Variants in PLXNA4 observed in about 807,000 individuals in gnomAD.
The protein encoded by PLXNA4 is plexin-A4.
Under a neutral mutation model 191.8 loss-of-function variants are expected in PLXNA4, and 44 were observed. That is an observed-to-expected ratio of 0.23 (90% confidence interval 0.18 to 0.29). PLXNA4 has a LOEUF of 0.29. Ranked by LOEUF, PLXNA4 falls within the 10% of genes least tolerant of loss-of-function variation. The probability of loss-of-function intolerance (pLI) is 1.00; values close to 1 mark genes in which losing one functional copy is unlikely to be tolerated. For missense variants in PLXNA4, 1,800 were observed against 2,488.8 expected, an observed-to-expected ratio of 0.72 and a Z score of 5.89; for synonymous variants, 1,082 against 1,009.5, an observed-to-expected ratio of 1.07 and a Z score of -1.36.
intron 3 of PLXNA4, among the ~76,000 whole-genome samples, chr7:132,398,821 G>T (rs1793864444): frequency 1.3e-5 from 2 of 152,200 alleles, no homozygotes; most frequent in Admixed American, 6.5e-5. Flanking sequence ...CTGATGAGCA[G>T]GTGTCATTGT....
At chr7:132,140,405 A>G (rs1174975255) in intron 30 of PLXNA4, among the ~76,000 whole-genome samples, 194 bp downstream of exon 30, 1 of 152,152 alleles carries the variant, frequency 6.6e-6, no homozygotes, top group Non-Finnish European at 1.5e-5. Flanking sequence ...ACCTCTGGCC[A>G]AGTTTTCCTA....
At chr7:132,444,510 T>A (rs1795822152) in intron 3 of PLXNA4, among the ~76,000 whole-genome samples, 1 of 152,220 alleles carries the variant, frequency 6.6e-6, no homozygotes, top group African/African-American at 2.4e-5. Context: ...GGATTACAGA[T>A]GTGAGTCACT....
chr7:132,589,973 G>C (rs1157691619), intron 2 of PLXNA4, among the ~76,000 whole-genome samples: 1 of 152,200 alleles, frequency 6.6e-6, no homozygotes, highest in Non-Finnish European at 1.5e-5. Context: ...TCAGTTCCAG[G>C]TGGGACACAG....
At chr7:132,307,582 C>T (rs970816612) in intron 3 of PLXNA4, among the ~76,000 whole-genome samples, 4 of 151,826 alleles carry the variant, frequency 2.6e-5, no homozygotes, top group African/African-American at 9.7e-5. Flanking sequence ...GGCTTTCCCT[C>T]ACTGTAACTG....
rs181410847 is a variant in PLXNA4 at position 132,401,022 on chromosome 7, C to T, written c.1371+88270G>A. Among the ~76,000 whole-genome samples, 172 of 152,282 alleles carry T rather than the reference C, an allele frequency of 1.1e-3. 1 individual carries two copies. Among genetic ancestry groups the T allele is most frequent in the African/African-American group, 4.1e-3 (171 of 41,550 alleles). ...GAGGACTCCAGCGACCTGACATGCA[C>T]GATCTCAGATCAGGTCTCTAGGGCC... On this transcript the variant is annotated intron_variant, in intron 3 of 31. Transcript: ENST00000321063.
chr7:132,271,397 A>G (rs1405638310), intron 4 of PLXNA4: 2 of 150,916 alleles, frequency 1.3e-5, no homozygotes, highest in African/African-American at 2.4e-5. Flanking sequence ...AATCAAATAA[A>G]TAGATAGGGA....
At chr7:132,373,417 T>C (rs1183346278) in intron 3 of PLXNA4, among the ~76,000 whole-genome samples, 6 of 152,180 alleles carry the variant, frequency 3.9e-5, no homozygotes, top group Non-Finnish European at 8.8e-5. Flanking sequence ...CAGGCCTCCG[T>C]AGCTCTGGAT....
intron 3 of PLXNA4, among the ~76,000 whole-genome samples, chr7:132,357,250 C>T (rs1472215355): frequency 1.3e-5 from 2 of 152,162 alleles, no homozygotes; most frequent in East Asian, 3.9e-4. Flanking sequence ...AGAGGGGAGG[C>T]TGGAGAGCCA....
At chr7:132,197,507 A>G in intron 13 of PLXNA4, among the ~76,000 whole-genome samples, 1 of 152,202 alleles carries the variant, frequency 6.6e-6, no homozygotes, top group East Asian at 1.9e-4. Context: ...ATCACAATAT[A>G]TTAGCAGTGG....
At chr7:132,298,273 ACAGCCAAACTT>A in intron 3 of PLXNA4, 51 bp from the exon 4 acceptor site, 1 of 1,565,620 alleles carries the variant, frequency 6.4e-7, no homozygotes, top group Non-Finnish European at 8.6e-7. Flanking sequence ...TGCACTGCCC[ACAGCCAAACTT>A]CAGCCAAAGA....
chr7:132,259,459 A>AAG (rs1799550347), intron 4 of PLXNA4, among the ~76,000 whole-genome samples: 1 of 138,664 alleles, frequency 7.2e-6, no homozygotes, highest in African/African-American at 2.7e-5. Flanking sequence ...AAAAAAAAAA[A>AAG]AAAAAAAAAA....
intron 3 of PLXNA4, among the ~76,000 whole-genome samples, chr7:132,458,707 T>C (rs1385523930): frequency 1.3e-5 from 2 of 151,908 alleles, no homozygotes; most frequent in Non-Finnish European, 2.9e-5. Flanking sequence ...GTTCTATTTA[T>C]TGGTTTCAGT....
intron 12 of PLXNA4, among the ~76,000 whole-genome samples, chr7:132,201,475 CTG>C (rs1797431551): frequency 1.3e-5 from 2 of 152,212 alleles, no homozygotes; most frequent in Admixed American, 1.3e-4. Flanking sequence ...ATTTGTGAAA[CTG>C]TGCACAAAGC....
At chr7:132,622,837 T>C (rs1271188626) in intron 2 of PLXNA4, among the ~76,000 whole-genome samples, 1 of 152,212 alleles carries the variant, frequency 6.6e-6, no homozygotes, top group Non-Finnish European at 1.5e-5. Context: ...GGGGTGAAGC[T>C]ACCACATGGT....
At chr7:132,247,683 C>T (rs1468837146) in intron 4 of PLXNA4, among the ~76,000 whole-genome samples, 5 of 152,184 alleles carry the variant, frequency 3.3e-5, no homozygotes, top group Non-Finnish European at 5.9e-5. Flanking sequence ...GGCTGCCTTT[C>T]CAAGCTTTAT....
intron 1 of PLXNA4, among the ~76,000 whole-genome samples, chr7:132,548,832 G>C (rs1800424992): frequency 6.6e-6 from 1 of 152,144 alleles, no homozygotes; most frequent in South Asian, 2.1e-4. Context: ...GATAAAACAG[G>C]ATGTGGTGAA....
At chr7:132,172,758 T>TATAATATA (rs1796328609) in intron 21 of PLXNA4, among the ~76,000 whole-genome samples, 1 of 148,948 alleles carries the variant, frequency 6.7e-6, no homozygotes, top group African/African-American at 2.5e-5. Flanking sequence ...AAACTTAAAG[T>TATAATATA]ATAATAATAA....
chr7:132,328,456 C>A (rs1051680742), intron 3 of PLXNA4, among the ~76,000 whole-genome samples: 9 of 152,144 alleles, frequency 5.9e-5, no homozygotes, highest in Admixed American at 2.0e-4. Flanking sequence ...ATGCCTGGGG[C>A]TAATAGGAGC....
intron 2 of PLXNA4, among the ~76,000 whole-genome samples, chr7:132,506,687 C>T (rs1798477851): frequency 6.6e-6 from 1 of 152,148 alleles, no homozygotes; most frequent in South Asian, 2.1e-4. Flanking sequence ...GAGTCTGTGT[C>T]CCCTGCTTCA....
Sources: allele counts gnomAD v4.1 joint callset (sites outside exome capture counted in the v4.1 genomes callset), GRCh38; gene constraint gnomAD v4.1.1; transcripts MANE v1.5; gene names NCBI Gene and HGNC (gene_info 2026-07-23, HGNC 2026-07-21).